NFKBIZ: variants seen among roughly 807,000 people sequenced by gnomAD.
NFKBIZ encodes NF-kappa-B inhibitor zeta.
In NFKBIZ, 19 loss-of-function variants were observed where a neutral mutation model predicts 76.8. That is an observed-to-expected ratio of 0.25 (90% CI 0.17 to 0.36). NFKBIZ has a LOEUF of 0.36. Among genes scored for constraint, NFKBIZ ranks in the 10% least tolerant of loss-of-function variants. NFKBIZ has a pLI of 1.00. For missense variants in NFKBIZ, 829 were observed against 910.9 expected (o/e 0.91, Z 1.16); for synonymous variants, 368 against 354.8 (o/e 1.04, Z -0.42).
intron 2 of NFKBIZ, among the ~76,000 whole-genome samples, chr3:101,837,321 T>G (rs1942732886): frequency 1.3e-5 from 2 of 151,964 alleles, no homozygotes; most frequent in African/African-American, 4.8e-5. Flanking sequence ...AATTATTGTG[T>G]TAAGTCATTT....
chr3:101,858,455 G>A (rs923798611), intron 11 of NFKBIZ: 2 of 985,082 alleles, frequency 2.0e-6, no homozygotes, highest in African/African-American at 3.5e-5. Context: ...CCTAAGCCCA[G>A]TATTTGCTTC....
intron 2 of NFKBIZ, among the ~76,000 whole-genome samples, chr3:101,843,452 A>G (rs1942813215): frequency 6.6e-6 from 1 of 152,150 alleles, no homozygotes; most frequent in Non-Finnish European, 1.5e-5. Flanking sequence ...CTTAAAAAAG[A>G]AACATGTGTC....
rs553809052 is a variant in NFKBIZ, at chr3:101,852,193, A to C, written c.398A>C (p.Lys133Thr). ...TTGCACATCCGAAGTCATAAACAGA[A>C]GGCTTCTGGCCAAGCTGTGGATGAT... ...LLLHIRSHKQ[K>T]ASGQAVDDFK... The change falls in exon 2 of 12, where the codon AAG (lysine) becomes ACG (threonine). Residue 133 changes from lysine to threonine, a missense_variant. Lys to Thr is a moderately conservative substitution (Grantham distance 78). This residue lies in a region of NFKBIZ where 371 missense variants were observed against 332.3 expected (regional missense o/e 1.12). Transcript: ENST00000326172. The C allele has an allele frequency of 6.2e-7, 1 of 1,614,218 alleles. No individual in the cohort carries two copies. Among genetic ancestry groups the C allele is most frequent in the South Asian group, 1.1e-5 (1 of 91,086 alleles).
Position 101,859,432 on chromosome 3 carries a change from C to G in NFKBIZ, c.*61C>G. ...TGTCAGTTAGGCAGTCCTGATGTAT[C>G]TGTACATAGACCATTTGCCTTATAT... On this transcript the variant is annotated 3_prime_UTR_variant, in exon 12 of 12. Coordinates refer to ENST00000326172, the MANE Select transcript of NFKBIZ (RefSeq NM_031419.4). 7.3e-7 allele frequency: 1 copy of G among 1,378,254 alleles called. No homozygotes were observed. The allele number at this position is 1,378,254 out of a possible 1,614,324, so 85.4% of individuals were successfully genotyped here. A position where few individuals can be genotyped will look rare whatever the true frequency, so the allele number is the denominator to read the frequency against.
At chr3:101,850,106 G>T (rs1160945866) in intron 1 of NFKBIZ, among the ~76,000 whole-genome samples, 189 bp downstream of exon 1, 4 of 152,132 alleles carry the variant, frequency 2.6e-5, no homozygotes, top group African/African-American at 9.7e-5. Flanking sequence ...CCCTTCGCCG[G>T]CCCGCGGAAC....
In NFKBIZ at chr3:101,859,322, G is replaced by A. The variant is rs775750534; in HGVS notation, c.2108G>A (p.Arg703Gln). The change falls in exon 12 of 12, where the codon CGA becomes CAA. Residue 703 changes from arginine (R) to glutamine (Q), a missense_variant. By Grantham distance (43) the Arg-to-Gln change is conservative (BLOSUM62 1). Transcript: ENST00000326172. ...TTTTATTTGTTTCTCTTCCAGATCC[G>A]ACGTATCCTGAAGGGAAAGTCCATT... The part of the protein sequence containing the change: ...VPDGPVGEQI[R>Q]RILKGKSIQQ... 13 of 1,613,232 alleles carry A rather than the reference G, an allele frequency of 8.1e-6. No homozygotes were observed. Among genetic ancestry groups the A allele is most frequent in the Non-Finnish European group, 1.1e-5 (13 of 1,179,446 alleles).
At chr3:101,835,717 A>C (rs746075109) in intron 2 of NFKBIZ, among the ~76,000 whole-genome samples, 1 of 152,166 alleles carries the variant, frequency 6.6e-6, no homozygotes, top group Non-Finnish European at 1.5e-5. Context: ...CCATCTCCAA[A>C]CATAGCCACA....
chr3:101,850,166 G>T (rs1942930544), intron 1 of NFKBIZ: 2 of 393,458 alleles, frequency 5.1e-6, no homozygotes, highest in Non-Finnish European at 9.0e-6. Flanking sequence ...GCTCGGCCGA[G>T]CTCTGACTGC....
chr3:101,853,261 C>T lies in NFKBIZ; in HGVS notation c.735C>T (p.Val245=), dbSNP rs747833268. The T allele has an allele frequency of 6.2e-7, 1 of 1,614,158 alleles. No homozygotes were observed. The highest frequency in any genetic ancestry group is 8.5e-7 in the Non-Finnish European group (1 of 1,180,022). Residue 245 remains valine, a synonymous_variant, in exon 5 of 12, where the codon GTC becomes GTT. Coordinates refer to ENST00000326172, the MANE Select transcript of NFKBIZ (RefSeq NM_031419.4). Reference sequence around the variant, plus strand: ...TTAGCTGGCTGAACCCCGTGGTGGTCCCTCAGAGCTCCCCCGCAGAGCAGT... The same window carrying T: ...TTAGCTGGCTGAACCCCGTGGTGGTTCCTCAGAGCTCCCCCGCAGAGCAGT... ...VQVSWLNPVV[V]PQSSPAEQCQ...
At chr3:101,828,636 A>C (rs1942593885) in intron 1 of NFKBIZ, among the ~76,000 whole-genome samples, 1 of 152,204 alleles carries the variant, frequency 6.6e-6, no homozygotes, top group Admixed American at 6.5e-5. Flanking sequence ...AAATTGAAAT[A>C]CTTTATAGCA....
chr3:101,831,927 G>T (rs951723472), intron 2 of NFKBIZ, among the ~76,000 whole-genome samples: 3 of 151,852 alleles, frequency 2.0e-5, no homozygotes, highest in Non-Finnish European at 4.4e-5. Flanking sequence ...TTGAGACAGA[G>T]TTTTGCTCTC....
intron 2 of NFKBIZ, among the ~76,000 whole-genome samples, chr3:101,838,377 A>G (rs1219770303): frequency 6.6e-6 from 1 of 152,216 alleles, no homozygotes; most frequent in Non-Finnish European, 1.5e-5. Flanking sequence ...TAAATGCTAC[A>G]GATAGGTATG....
rs1449608378 is a variant in NFKBIZ at position 101,859,684 on chromosome 3, CATT to C, written c.*318_*320del. The C allele has an allele frequency of 4.7e-5, 10 of 212,452 alleles. No individual in the cohort carries two copies. Among genetic ancestry groups the C allele is most frequent in the Admixed American group, 4.7e-4 (9 of 19,306 alleles). The allele number at this position is 212,452 out of a possible 1,614,324, so 13.2% of individuals were successfully genotyped here. A position where few individuals can be genotyped will look rare whatever the true frequency, so the allele number is the denominator to read the frequency against. Reference sequence around the variant, plus strand: ...AAGGACTTTGATTTGTGGCACAAAACATTATTAATATAGCTATTGACAGTTTCA... The same window carrying C: ...AAGGACTTTGATTTGTGGCACAAAACATTAATATAGCTATTGACAGTTTCA... On this transcript the variant is annotated 3_prime_UTR_variant, in exon 12 of 12. Coordinates refer to ENST00000326172, the MANE Select transcript of NFKBIZ (RefSeq NM_031419.4).
Position 101,859,443 on chromosome 3 carries a change from CCATTTGCCTTATATTGGCAAATGT to C in NFKBIZ, c.*73_*96del. 1 of 1,269,410 alleles carries C rather than the reference CCATTTGCCTTATATTGGCAAATGT, an allele frequency of 7.9e-7. No homozygotes were observed. The allele number at this position is 1,269,410 out of a possible 1,614,324, so 78.6% of individuals were successfully genotyped here. A position where few individuals can be genotyped will look rare whatever the true frequency, so the allele number is the denominator to read the frequency against. On this transcript the variant is annotated 3_prime_UTR_variant, in exon 12 of 12. Coordinates refer to ENST00000326172, the MANE Select transcript of NFKBIZ (RefSeq NM_031419.4). ...CAGTCCTGATGTATCTGTACATAGA[CCATTTGCCTTATATTGGCAAATGT>C]AAGTTGTTTCTATGAAACAAACATA...
intron 2 of NFKBIZ, among the ~76,000 whole-genome samples, chr3:101,835,218 T>C (rs1432317161): frequency 1.3e-5 from 2 of 152,212 alleles, no homozygotes; most frequent in Non-Finnish European, 2.9e-5. Flanking sequence ...ATTAAGTGAA[T>C]GGAGCTTGGA....
chr3:101,854,322 A>G (rs771891410), intron 5 of NFKBIZ, among the ~76,000 whole-genome samples: 2 of 152,156 alleles, frequency 1.3e-5, no homozygotes, highest in Non-Finnish European at 2.9e-5. Context: ...TATGAGTATT[A>G]AAAATAATAG....
chr3:101,830,917 CTT>C (rs1199694671), intron 2 of NFKBIZ, among the ~76,000 whole-genome samples: 2 of 152,154 alleles, frequency 1.3e-5, no homozygotes, highest in Non-Finnish European at 2.9e-5. Context: ...CTGAATTAAA[CTT>C]ATCAAAATAC....
chr3:101,845,748 T>C (rs1446230005), upstream of NFKBIZ, among the ~76,000 whole-genome samples: 3 of 152,248 alleles, frequency 2.0e-5, no homozygotes, highest in Non-Finnish European at 4.4e-5. Context: ...TGGGGAAAGA[T>C]AGCGTTCTCA....
At chr3:101,829,300 A>G (rs1264534159) in intron 1 of NFKBIZ, among the ~76,000 whole-genome samples, 1 of 152,184 alleles carries the variant, frequency 6.6e-6, no homozygotes, top group East Asian at 1.9e-4. Context: ...TGACGGAAAC[A>G]TTTGGCAGCA....
Sources: allele counts gnomAD v4.1 joint callset (sites outside exome capture counted in the v4.1 genomes callset), GRCh38; gene constraint gnomAD v4.1.1; regional missense constraint gnomAD v4.1.1; transcripts MANE v1.5; gene names NCBI Gene and HGNC (gene_info 2026-07-23, HGNC 2026-07-21).